KPNA1: variants seen among roughly 807,000 people sequenced by gnomAD.
KPNA1 encodes the protein importin subunit alpha-5.
A neutral mutation model predicts 70.5 loss-of-function variants in KPNA1; 10 were observed. The observed-to-expected ratio is 0.14, with a 90% CI of 0.09 to 0.24. The LOEUF is 0.24. KPNA1 is among the 10% of genes least tolerant of loss of function. The pLI, the probability that KPNA1 is intolerant of heterozygous loss-of-function variation, is 1.00. For missense variants in KPNA1, 397 were observed against 637.9 expected (o/e 0.62, Z 4.07); for synonymous variants, 192 against 221.9 (o/e 0.87, Z 1.20).
rs2076320773 is a variant in KPNA1, at chr3:122,461,260, C to G, written c.396G>C (p.Val132=). ...AATTCTCTTTTCGTTTGAGGAACTC[C>G]ACAAACCTGGCCACTACTCCTGGTG... is the stretch of plus-strand genomic sequence containing the variant. The part of the protein sequence containing the change: ...ISTPGVVARF[V]EFLKRKENCT... Residue 132 remains valine (V), a synonymous_variant, in exon 5 of 14, where the codon GTG becomes GTC. Transcript: ENST00000344337. 6.2e-7 allele frequency: 1 copy of G among 1,613,284 alleles called. No homozygotes were observed. Among genetic ancestry groups the G allele is most frequent in the African/African-American group, 1.3e-5 (1 of 74,848 alleles).
chr3:122,485,504 T>C (rs573777419), intron 2 of KPNA1, among the ~76,000 whole-genome samples: 1 of 150,662 alleles, frequency 6.6e-6, no homozygotes, highest in African/African-American at 2.4e-5. Context: ...CAGATATACA[T>C]GCTTGTTCTT....
chr3:122,432,196 A>T (rs539463092), intron 12 of KPNA1, among the ~76,000 whole-genome samples: 1 of 152,362 alleles, frequency 6.6e-6, no homozygotes, highest in Admixed American at 6.5e-5. Context: ...TATTCAAATA[A>T]CTATAGTACT....
intron 2 of KPNA1, among the ~76,000 whole-genome samples, chr3:122,484,679 A>G (rs889669675): frequency 6.7e-6 from 1 of 149,460 alleles, no homozygotes; most frequent in Non-Finnish European, 1.5e-5. Flanking sequence ...AATAAAATAA[A>G]GGAAAGCAAA....
At chr3:122,498,556 T>G (rs377006520) in intron 1 of KPNA1, among the ~76,000 whole-genome samples, 3 of 152,370 alleles carry the variant, frequency 2.0e-5, no homozygotes, top group South Asian at 2.1e-4. Context: ...CAGCTGACTA[T>G]ATACATATAT....
At chr3:122,478,852 C>T (rs1474640272) in intron 2 of KPNA1, among the ~76,000 whole-genome samples, 2 of 132,262 alleles carry the variant, frequency 1.5e-5, no homozygotes, top group East Asian at 4.7e-4. Flanking sequence ...CAAGATTGTG[C>T]CATTGCTCTC....
intron 10 of KPNA1, 119 bp downstream of exon 10, chr3:122,441,919 G>A (rs2076068403): frequency 1.2e-6 from 1 of 836,058 alleles, no homozygotes; most frequent in Non-Finnish European, 2.0e-6. Flanking sequence ...TTAAACATTA[G>A]TGTAACAGAG....
chr3:122,464,976 G>A (rs1396928010), intron 3 of KPNA1, among the ~76,000 whole-genome samples: 1 of 151,982 alleles, frequency 6.6e-6, no homozygotes, highest in Non-Finnish European at 1.5e-5. Context: ...CTAAATCAAG[G>A]TTTCTATATG....
chr3:122,474,347 T>C (rs1362454343), intron 2 of KPNA1, among the ~76,000 whole-genome samples: 1 of 152,090 alleles, frequency 6.6e-6, no homozygotes. Context: ...GATTCTAAAA[T>C]GTATATGGAA....
intron 2 of KPNA1, among the ~76,000 whole-genome samples, chr3:122,489,344 C>T (rs1475330915): frequency 1.3e-5 from 2 of 151,630 alleles, no homozygotes; most frequent in African/African-American, 4.8e-5. Flanking sequence ...GGCTGGAGCA[C>T]AGTGGCACAG....
chr3:122,468,753 G>C (rs928687131), intron 2 of KPNA1, among the ~76,000 whole-genome samples: 1 of 152,122 alleles, frequency 6.6e-6, no homozygotes, highest in Non-Finnish European at 1.5e-5. Context: ...GAGAGAGATG[G>C]AAATTCTAAA....
At chr3:122,461,425 G>A in intron 4 of KPNA1, 107 bp from the exon 5 acceptor site, 1 of 674,588 alleles carries the variant, frequency 1.5e-6, no homozygotes, top group South Asian at 1.8e-5. Context: ...CATCTCTCAT[G>A]CTGGAAATCT....
At chr3:122,436,640 A>T (rs1179752677) in intron 11 of KPNA1, among the ~76,000 whole-genome samples, 1 of 152,240 alleles carries the variant, frequency 6.6e-6, no homozygotes, top group Non-Finnish European at 1.5e-5. Flanking sequence ...TCAAATATTA[A>T]CGGCAACAGA....
At chr3:122,460,732 T>C (rs2076315397) in intron 5 of KPNA1, 2 of 922,162 alleles carry the variant, frequency 2.2e-6, no homozygotes, top group African/African-American at 3.6e-5. Context: ...ACTGAAAGCC[T>C]AAATTGACAC....
intron 5 of KPNA1, among the ~76,000 whole-genome samples, chr3:122,455,750 TTCA>T (rs1268663414): frequency 2.0e-5 from 3 of 152,028 alleles, no homozygotes; most frequent in Non-Finnish European, 4.4e-5. Context: ...GAGACGAGGT[TTCA>T]TCATGTTTGT....
rs770961423 is a variant in KPNA1, at chr3:122,496,424, G to T, written c.129+13C>A. On this transcript the variant is annotated intron_variant, in intron 2 of 13. Transcript: ENST00000344337. ...AATTCTTTAAAAGAAATGAATAAAG[G>T]TAAAGGATTTACCTGCTCTTCTCTT... The T allele has an allele frequency of 3.1e-6, 5 of 1,607,580 alleles. No individual in the cohort carries two copies. The highest frequency in any genetic ancestry group is 4.3e-6 in the Non-Finnish European group (5 of 1,176,340).
Position 122,496,577 on chromosome 3 carries a change from T to C in KPNA1, c.-5-7A>G. The stretch of plus-strand genomic sequence containing the variant: ...CCTGGGGTGGTCATGATTTCTACAA[T>C]ACAAGTGGGGAGAGAACAAATGAGT... On this transcript the variant is annotated splice_polypyrimidine_tract_variant and splice_region_variant and intron_variant, in intron 1 of 13. Transcript: ENST00000344337. The C allele has an allele frequency of 6.2e-7, 1 of 1,612,636 alleles. No homozygotes were observed. The highest frequency in any genetic ancestry group is 8.5e-7 in the Non-Finnish European group (1 of 1,179,082).
At chr3:122,459,969 G>C in intron 5 of KPNA1, 1 of 985,402 alleles carries the variant, frequency 1.0e-6, no homozygotes. Context: ...AAATGCCCCA[G>C]TGTCTACATG....
In KPNA1 at chr3:122,496,122, C is replaced by CA. The variant is rs537811198; in HGVS notation, c.129+314dup. 7.7e-3 allele frequency among the ~76,000 whole-genome samples: 1,166 copies of CA among 152,046 alleles called. 7 individuals are homozygous for CA. The highest frequency in any genetic ancestry group is 0.022 in the South Asian group (108 of 4,806). On this transcript the variant is annotated intron_variant, in intron 2 of 13. Transcript: ENST00000344337. ...TGTGAATTAATTAACAAACATACAT[C>CA]AAAAAAATCTTAAAGAAGAAAGTTG... is the stretch of plus-strand genomic sequence containing the variant.
rs1192962603 is a variant in KPNA1, at chr3:122,447,072, GC to G, written c.917+2501del. Among the ~76,000 whole-genome samples the G allele has an allele frequency of 2.0e-5, 3 of 152,314 alleles. No homozygotes were observed. The East Asian group carries it at 5.8e-4, about 29-fold the overall frequency. ...AAGCCCAGGACCAGATGGATTCACA[GC>G]CAAGTTCTACCAGAGGTACAAAGAG... On this transcript the variant is annotated intron_variant, in intron 9 of 13. Transcript: ENST00000344337.
Sources: allele counts gnomAD v4.1 joint callset (sites outside exome capture counted in the v4.1 genomes callset), GRCh38; gene constraint gnomAD v4.1.1; transcripts MANE v1.5; gene names NCBI Gene and HGNC (gene_info 2026-07-23, HGNC 2026-07-21).